NOP16: variants seen among roughly 807,000 people sequenced by gnomAD.
NOP16 encodes NOP16 nucleolar protein.
NOP16 carries 14 observed loss-of-function variants against 22.7 expected under a neutral mutation model. The ratio of observed to expected loss-of-function variants is 0.62; its 90% CI spans 0.41 to 0.97. The LOEUF is 0.97. Among genes scored for constraint, NOP16 ranks in the 50% least tolerant of loss-of-function variants. The pLI is 0.00. For synonymous variants in NOP16, 80 were observed against 83.6 expected, an observed-to-expected ratio of 0.96 and a Z score of 0.23; for missense variants, 198 against 235.9, an observed-to-expected ratio of 0.84 and a Z score of 1.05.
At chr5:176,387,064 TTCTCTCTC>T (rs55641001) in intron 2 of NOP16, 155 bp from the exon 3 acceptor site, 13 of 552,636 alleles carry the variant, frequency 2.4e-5, no homozygotes, top group East Asian at 6.0e-5. Flanking sequence ...TGGAGGCTTT[TTCTCTCTC>T]TCTCTCTTTT....
intron 3 of NOP16, among the ~76,000 whole-genome samples, chr5:176,385,724 A>G (rs1755788463): frequency 6.6e-6 from 1 of 152,174 alleles, no homozygotes; most frequent in African/African-American, 2.4e-5. Flanking sequence ...CTCTTGATGT[A>G]TTATTGCAAC....
In NOP16 at chr5:176,383,988, A is replaced by G. The variant is rs747633389; in HGVS notation, c.*243T>C. ...ATTATGTACACACTATATTTACATCACCCACCCTGAAAACAGCAGGTTCTG... is the reference window on the plus strand; with the variant it reads ...ATTATGTACACACTATATTTACATCGCCCACCCTGAAAACAGCAGGTTCTG... On this transcript the variant is annotated 3_prime_UTR_variant, in exon 5 of 5. Transcript: ENST00000614830. The G allele has an allele frequency of 3.8e-5, 58 of 1,533,792 alleles. No individual in the cohort carries two copies. Among genetic ancestry groups the G allele is most frequent in the Non-Finnish European group, 5.0e-5 (57 of 1,146,178 alleles).
At position 176,384,337 on chromosome 5, in the gene NOP16, G is replaced by T. The variant is rs761822995; in HGVS notation, c.431C>A (p.Thr144Asn). The T allele has an allele frequency of 5.6e-6, 9 of 1,614,192 alleles. No individual in the cohort carries two copies. The South Asian group carries it at 9.9e-5, about 18-fold the overall frequency. Reference sequence around the variant, plus strand: ...GATCTTACTCCGAATCTGTTTTGGGGTATCTTGATAGTAATTCTTCTCATC... The same window carrying T: ...GATCTTACTCCGAATCTGTTTTGGGTTATCTTGATAGTAATTCTTCTCATC... ...ARDEKNYYQD[T>N]PKQIRSKINV... is the part of the protein sequence containing the mutation. Residue 144 changes from threonine (T) to asparagine (N), a missense_variant, in exon 5 of 5, where the codon ACC becomes AAC. Physicochemically the swap from Thr to Asn is moderately conservative, Grantham distance 65 (BLOSUM62 0). Coordinates refer to ENST00000614830, the MANE Select transcript of NOP16 (RefSeq NM_016391.8).
chr5:176,386,544 G>A, intron 3 of NOP16: 2 of 449,526 alleles, frequency 4.4e-6, no homozygotes, highest in South Asian at 2.1e-5. Flanking sequence ...TTAAATTCAT[G>A]AGAAGCCATA....
Position 176,384,094 on chromosome 5 carries a change from G to A in NOP16, c.*137C>T, listed in dbSNP as rs41275273. 2 of 1,595,904 alleles carry A rather than the reference G, an allele frequency of 1.3e-6. No homozygotes were observed. The highest frequency in any genetic ancestry group is 1.7e-6 in the Non-Finnish European group (2 of 1,178,676). ...TCCCCAGAGCGGGGAGTGTGCACGT[G>A]TGTGTGTAACCTTCTGATTCCATGG... On this transcript the variant is annotated 3_prime_UTR_variant, in exon 5 of 5. Coordinates refer to ENST00000614830, the MANE Select transcript of NOP16 (RefSeq NM_016391.8).
At chr5:176,385,362 G>A in intron 3 of NOP16, 35 bp from the exon 4 acceptor site, 1 of 1,275,392 alleles carries the variant, frequency 7.8e-7, no homozygotes, top group Non-Finnish European at 1.1e-6. Flanking sequence ...GACAGGGAAT[G>A]AGGCTTTGCT....
chr5:176,386,930 G>A, intron 2 of NOP16, 21 bp from the exon 3 acceptor site: 3 of 1,608,844 alleles, frequency 1.9e-6, no homozygotes, highest in Non-Finnish European at 2.6e-6. Context: ...CAGAGCCCTT[G>A]AGACCAGAAG....
chr5:176,384,468 CCT>C, intron 4 of NOP16, 94 bp from the exon 5 acceptor site: 1 of 1,286,386 alleles, frequency 7.8e-7, no homozygotes, highest in Admixed American at 2.1e-5. Flanking sequence ...GCTATCTATC[CCT>C]GAGGTCCAGA....
intron 2 of NOP16, among the ~76,000 whole-genome samples, chr5:176,387,897 TGTAA>T (rs1242752658): frequency 6.6e-6 from 1 of 151,882 alleles, no homozygotes; most frequent in Non-Finnish European, 1.5e-5. Flanking sequence ...AAAGAAAAGG[TGTAA>T]GTAAAGATCT....
At chr5:176,386,374 G>A (rs1755844289) in intron 3 of NOP16, 2 of 226,098 alleles carry the variant, frequency 8.8e-6, no homozygotes, top group Non-Finnish European at 1.8e-5. Context: ...GACAGGTAAG[G>A]GGAAGGATGA....
chr5:176,384,083 A>T lies in NOP16; in HGVS notation c.*148T>A. 6.3e-7 allele frequency: 1 copy of T among 1,596,370 alleles called. No homozygotes were observed. Among genetic ancestry groups the T allele is most frequent in the South Asian group, 1.1e-5 (1 of 89,882 alleles). On this transcript the variant is annotated 3_prime_UTR_variant, in exon 5 of 5. Transcript: ENST00000614830. ...GAACAGTTCCTTCCCCAGAGCGGGG[A>T]GTGTGCACGTGTGTGTGTAACCTTC...
Position 176,385,147 on chromosome 5 carries a change from G to A in NOP16, c.393+74C>T, listed in dbSNP as rs774570532. The A allele has an allele frequency of 4.8e-6, 4 of 831,614 alleles. No individual in the cohort carries two copies. In the South Asian group the frequency reaches 5.3e-5, roughly 11 times the overall value. 51.5% of individuals were successfully genotyped at this position (831,614 alleles called of 1,614,324 possible). A position where few individuals can be genotyped will look rare whatever the true frequency, so the allele number is the denominator to read the frequency against. ...TTGCACTCGGTTTCAGGAAACAGGT[G>A]CTGCGCAAGCAGATCAAGCCGCGAA... On this transcript the variant is annotated intron_variant, in intron 4 of 4. Coordinates refer to ENST00000614830, the MANE Select transcript of NOP16 (RefSeq NM_016391.8).
chr5:176,386,103 C>T (rs1359418489), intron 3 of NOP16: 1 of 152,942 alleles, frequency 6.5e-6, no homozygotes, highest in Non-Finnish European at 1.5e-5. Flanking sequence ...ACCTGTTGCA[C>T]AACAAAGTCA....
At chr5:176,386,213 C>T (rs1755833514) in intron 3 of NOP16, 1 of 154,836 alleles carries the variant, frequency 6.5e-6, no homozygotes, top group Non-Finnish European at 1.4e-5. Flanking sequence ...TCCTCTTTGA[C>T]TACAGTAAGT....
intron 3 of NOP16, chr5:176,385,968 A>G (rs1164955775): frequency 6.5e-6 from 1 of 152,676 alleles, no homozygotes; most frequent in Non-Finnish European, 1.5e-5. Flanking sequence ...TCCAGAGGTT[A>G]GGTCCTCATA....
intron 2 of NOP16, among the ~76,000 whole-genome samples, chr5:176,387,294 G>A (rs747623975): frequency 6.6e-6 from 1 of 152,090 alleles, no homozygotes; most frequent in South Asian, 2.1e-4. Context: ...TGGCCAGGCC[G>A]GTCTCAAACT....
intron 4 of NOP16, 199 bp from the exon 5 acceptor site, chr5:176,384,573 G>T: frequency 1.7e-6 from 1 of 594,310 alleles, no homozygotes; most frequent in South Asian, 2.2e-5. Flanking sequence ...GATCTCTTGA[G>T]CCCAGGAGTT....
chr5:176,384,173 C>T lies in NOP16; in HGVS notation c.*58G>A. The T allele has an allele frequency of 1.2e-6, 2 of 1,614,070 alleles. No individual in the cohort carries two copies. The highest frequency in any genetic ancestry group is 1.7e-6 in the Non-Finnish European group (2 of 1,180,024). ...AGCACCTCCTTGCCTTACACCCTGG[C>T]TCCAGCTTCACTGGTCCGGGGGACG... On this transcript the variant is annotated 3_prime_UTR_variant, in exon 5 of 5. Coordinates refer to ENST00000614830, the MANE Select transcript of NOP16 (RefSeq NM_016391.8).
chr5:176,387,421 A>G (rs1755955223), intron 2 of NOP16, among the ~76,000 whole-genome samples: 1 of 152,322 alleles, frequency 6.6e-6, no homozygotes, highest in East Asian at 1.9e-4. Flanking sequence ...CATGTTCTCA[A>G]TAAGTAGTTA....
Sources: gnomAD v4.1 joint callset for allele counts (sites outside exome capture counted in the v4.1 genomes callset) on GRCh38, gnomAD v4.1.1 for gene constraint, MANE v1.5 for transcripts, NCBI Gene and HGNC (gene_info 2026-07-23, HGNC 2026-07-21) for gene names.